Variants in TXNRD2 observed in about 807,000 individuals in gnomAD.
TXNRD2 encodes thioredoxin reductase 2, mitochondrial.
In TXNRD2, 67 loss-of-function variants were observed where a neutral mutation model predicts 70.8. The observed-to-expected ratio is 0.95, with a 90% CI of 0.78 to 1.16. TXNRD2 has a LOEUF of 1.16. TXNRD2 is among the 50% of genes most tolerant of loss of function. The probability of loss-of-function intolerance (pLI) is 0.00; values close to 1 mark genes in which losing one functional copy is unlikely to be tolerated. For synonymous variants in TXNRD2, 301 were observed against 295.8 expected, an observed-to-expected ratio of 1.02 and a Z score of -0.18; for missense variants, 644 against 719.9, an observed-to-expected ratio of 0.89 and a Z score of 1.21.
At position 19,877,157 on chromosome 22, in the gene TXNRD2, C is replaced by T. The variant is rs201391000; in HGVS notation, c.1523G>A (p.Arg508His). Residue 508 changes from arginine to histidine, a missense_variant, in exon 17 of 18, where the codon CGC (arginine) becomes CAC (histidine). Arg to His is a conservative substitution (Grantham distance 29). Transcript: ENST00000400521. ...GTCCAGGCCTGAGCGCTTGGAGATG[C>T]GCAGCTTGACTACCTCCTCAGAGCA... ...PTCSEEVVKL[R>H]ISKRSGLDPT... 1.7e-4 allele frequency: 279 copies of T among 1,609,992 alleles called. No individual in the cohort carries two copies. The African/African-American group carries it at 3.2e-3, about 18-fold the overall frequency.
chr22:19,926,563 A>G (rs1249671330), intron 2 of TXNRD2, among the ~76,000 whole-genome samples: 1 of 148,228 alleles, frequency 6.7e-6, no homozygotes, highest in Non-Finnish European at 1.5e-5. Context: ...GGAACACTTG[A>G]GAGGTCAAGA....
At position 19,883,481 on chromosome 22, in the gene TXNRD2, G is replaced by A. The variant is rs1390741763; in HGVS notation, c.950-20C>T. The A allele has an allele frequency of 2.5e-6, 4 of 1,613,776 alleles. No homozygotes were observed. In the African/African-American group the frequency reaches 4.0e-5, roughly 16 times the overall value. On this transcript the variant is annotated intron_variant, in intron 11 of 17. Transcript: ENST00000400521. ...CTCGACCTGAAGGAAACAGAGAGGG[G>A]GCTGAAAGGTTATCTTCAGTGGCTT...
intron 12 of TXNRD2, among the ~76,000 whole-genome samples, chr22:19,881,837 G>A (rs1239050580): frequency 6.6e-6 from 1 of 152,244 alleles, no homozygotes. Context: ...ATCCAGCTAA[G>A]CAAGCTGGGG....
chr22:19,894,983 A>G (rs1342655712), intron 11 of TXNRD2: 25 of 1,470,574 alleles, frequency 1.7e-5, no homozygotes, highest in Non-Finnish European at 2.1e-5. Context: ...AAAAAAAAAA[A>G]AAAGAAAAGA....
chr22:19,928,908 T>C (rs1941252440), intron 2 of TXNRD2, among the ~76,000 whole-genome samples: 1 of 149,680 alleles, frequency 6.7e-6, no homozygotes, highest in Non-Finnish European at 1.5e-5. Context: ...CAGGAGGCTG[T>C]GGCAGGAGAA....
intron 16 of TXNRD2, 28 bp from the exon 17 acceptor site, chr22:19,877,262 C>A: frequency 6.3e-7 from 1 of 1,589,320 alleles, no homozygotes; most frequent in East Asian, 2.3e-5. Context: ...GGGAGGCAGG[C>A]GGGGTCAGCA....
intron 1 of TXNRD2, among the ~76,000 whole-genome samples, chr22:19,931,988 G>A (rs557904820): frequency 2.5e-4 from 38 of 151,580 alleles, no homozygotes; most frequent in Admixed American, 1.2e-3. Flanking sequence ...GTGAAACCCC[G>A]TCTCTACTAA....
chr22:19,905,203 T>A (rs1489193077), intron 8 of TXNRD2, among the ~76,000 whole-genome samples: 1 of 152,106 alleles, frequency 6.6e-6, no homozygotes, highest in South Asian at 2.1e-4. Flanking sequence ...GCTTAATTTT[T>A]AAAAAAACCA....
intron 8 of TXNRD2, among the ~76,000 whole-genome samples, chr22:19,899,855 GCATGCACACA>G (rs1939692919): frequency 6.6e-6 from 1 of 152,150 alleles, no homozygotes; most frequent in Non-Finnish European, 1.5e-5. Flanking sequence ...GTAGACACAT[GCATGCACACA>G]CATGCAAACG....
At chr22:19,891,535 T>G (rs1939262627) in intron 11 of TXNRD2, 1 of 152,266 alleles carries the variant, frequency 6.6e-6, no homozygotes, top group African/African-American at 2.4e-5. Flanking sequence ...AATCTAAACT[T>G]AACTGCACTT....
In TXNRD2 at chr22:19,919,021, G is replaced by A. The variant is rs971600162; in HGVS notation, c.230-17C>T. 3 of 1,605,278 alleles carry A rather than the reference G, an allele frequency of 1.9e-6. No homozygotes were observed. The highest frequency in any genetic ancestry group is 2.7e-5 in the African/African-American group (2 of 74,686). On this transcript the variant is annotated splice_polypyrimidine_tract_variant and intron_variant, in intron 3 of 17. Coordinates refer to ENST00000400521, the MANE Select transcript of TXNRD2 (RefSeq NM_006440.5). ...ACCGGGTGCCTGGGACGTGGGAAGA[G>A]CACATTTGAATTTATGTTCAGGTGA... is the stretch of plus-strand genomic sequence containing the variant.
At chr22:19,889,155 T>C (rs781207693) in intron 11 of TXNRD2, among the ~76,000 whole-genome samples, 1 of 152,036 alleles carries the variant, frequency 6.6e-6, no homozygotes, top group African/African-American at 2.4e-5. Context: ...GGGGTGAGCT[T>C]CCCCTCAGGC....
chr22:19,934,397 A>AC (rs1283174097), intron 1 of TXNRD2, among the ~76,000 whole-genome samples: 2 of 151,232 alleles, frequency 1.3e-5, no homozygotes, highest in African/African-American at 4.9e-5. Flanking sequence ...AAAAAAAAAA[A>AC]AAAACTGCAC....
At chr22:19,895,933 G>C (rs1277837145) in intron 10 of TXNRD2, among the ~76,000 whole-genome samples, 1 of 152,214 alleles carries the variant, frequency 6.6e-6, no homozygotes, top group East Asian at 1.9e-4. Flanking sequence ...GGAGTTTGAG[G>C]CTGCAATGAA....
intron 11 of TXNRD2, chr22:19,891,604 T>C (rs1223105602): frequency 1.3e-5 from 2 of 152,366 alleles, no homozygotes; most frequent in Admixed American, 6.5e-5. Flanking sequence ...CCTGCTCCCC[T>C]AGACAGCCAG....
intron 11 of TXNRD2, among the ~76,000 whole-genome samples, chr22:19,893,485 C>T (rs1296242433): frequency 6.6e-6 from 1 of 152,222 alleles, no homozygotes; most frequent in African/African-American, 2.4e-5. Flanking sequence ...TTGCGGCGGC[C>T]CATCTGCAAT....
At chr22:19,906,940 A>G (rs34866947) in intron 8 of TXNRD2, among the ~76,000 whole-genome samples, 28 of 71,772 alleles carry the variant, frequency 3.9e-4, no homozygotes, top group Middle Eastern at 8.3e-3. Context: ...GAGTGTGGGC[A>G]CCGTAAGTAG....
At chr22:19,929,944 T>C (rs1569111951) in intron 2 of TXNRD2, among the ~76,000 whole-genome samples, 1 of 152,150 alleles carries the variant, frequency 6.6e-6, no homozygotes, top group Non-Finnish European at 1.5e-5. Flanking sequence ...GCTGTCCACA[T>C]TCCGGATTAA....
Position 19,877,048 on chromosome 22 carries a change from G to T in TXNRD2, c.*57C>A. ...CAGCCCCACCTGCATACCTGGGTCT[G>T]GCCTCCGAGGAGCTGGCGGCGGGCG... is the stretch of plus-strand genomic sequence containing the variant. On this transcript the variant is annotated 3_prime_UTR_variant, in exon 17 of 18. Transcript: ENST00000400521. The T allele has an allele frequency of 6.4e-7, 1 of 1,557,116 alleles. No individual in the cohort carries two copies. The highest frequency in any genetic ancestry group is 8.8e-7 in the Non-Finnish European group (1 of 1,142,248).
Sources: allele counts gnomAD v4.1 joint callset (sites outside exome capture counted in the v4.1 genomes callset), GRCh38; gene constraint gnomAD v4.1.1; transcripts MANE v1.5; gene names NCBI Gene and HGNC (gene_info 2026-07-23, HGNC 2026-07-21).